Variants in FHIP2A observed in about 807,000 individuals in gnomAD.
FHIP2A encodes the protein family with sequence similarity 160 member B1.
Under a neutral mutation model 93.5 loss-of-function variants are expected in FHIP2A, and 46 were observed. That is an observed-to-expected ratio of 0.49 (90% CI 0.39 to 0.63). The LOEUF (loss-of-function observed/expected upper bound fraction) is 0.63, where lower values mean the gene tolerates loss of function less well. FHIP2A is among the 20% of genes least tolerant of loss of function. FHIP2A has a pLI of 0.00. For synonymous variants in FHIP2A, 332 were observed against 326.5 expected (o/e 1.02, Z -0.18); for missense variants, 769 against 909.7 (o/e 0.85, Z 1.99).
intron 16 of FHIP2A, among the ~76,000 whole-genome samples, chr10:114,878,904 C>A (rs989072987): frequency 6.6e-6 from 1 of 151,976 alleles, no homozygotes; most frequent in Non-Finnish European, 1.5e-5. Context: ...CACTATGTTA[C>A]GAGCTATGTG....
intron 16 of FHIP2A, among the ~76,000 whole-genome samples, chr10:114,886,376 A>T (rs115322430): frequency 6.6e-5 from 10 of 151,534 alleles, no homozygotes; most frequent in African/African-American, 1.9e-4. Context: ...TATTTTTTTT[A>T]ATTTTTTTTT....
At chr10:114,878,695 G>A (rs1253680540) in intron 16 of FHIP2A, among the ~76,000 whole-genome samples, 2 of 151,256 alleles carry the variant, frequency 1.3e-5, no homozygotes, top group African/African-American at 4.9e-5. Context: ...AGACAGAAGT[G>A]CTTGAACCTG....
chr10:114,830,028 AAAAAG>A (rs1218429979), intron 1 of FHIP2A, among the ~76,000 whole-genome samples: 1 of 152,158 alleles, frequency 6.6e-6, no homozygotes, highest in African/African-American at 2.4e-5. Context: ...TCCAAGCTTA[AAAAAG>A]AAAAGATTTA....
chr10:114,845,155 A>G (rs1303658252), intron 7 of FHIP2A, among the ~76,000 whole-genome samples: 1 of 152,106 alleles, frequency 6.6e-6, no homozygotes, highest in Non-Finnish European at 1.5e-5. Flanking sequence ...CCTACTTAAT[A>G]CGTGAAAATT....
chr10:114,887,118 A>C (rs917325261), intron 16 of FHIP2A, among the ~76,000 whole-genome samples: 1 of 152,204 alleles, frequency 6.6e-6, no homozygotes, highest in African/African-American at 2.4e-5. Flanking sequence ...CATTTTCTGC[A>C]AAGTTTTCAC....
At chr10:114,867,105 A>T (rs111271548), downstream of FHIP2A, among the ~76,000 whole-genome samples, 479 of 151,894 alleles carry the variant, frequency 3.2e-3, 2 homozygotes, top group African/African-American at 0.011. Flanking sequence ...GATGCTCTGG[A>T]GGCTGAGGCA....
chr10:114,846,988 C>G, intron 11 of FHIP2A, 102 bp from the exon 12 acceptor site: 4 of 1,124,730 alleles, frequency 3.6e-6, no homozygotes, highest in Non-Finnish European at 5.0e-6. Flanking sequence ...TTTATATTAG[C>G]AAAATTATGT....
chr10:114,833,564 A>G (rs779616449), intron 3 of FHIP2A, 162 bp downstream of exon 3: 8 of 623,260 alleles, frequency 1.3e-5, no homozygotes, highest in Non-Finnish European at 1.9e-5. Flanking sequence ...CTATACAAAT[A>G]TGTCCATAGA....
chr10:114,826,296 G>A (rs915380155), intron 1 of FHIP2A, among the ~76,000 whole-genome samples: 2 of 152,210 alleles, frequency 1.3e-5, no homozygotes, highest in Non-Finnish European at 2.9e-5. Flanking sequence ...GCCTAAGAAT[G>A]TGTTCTAGCC....
intron 3 of FHIP2A, among the ~76,000 whole-genome samples, chr10:114,833,633 A>G (rs1011143857): frequency 2.0e-5 from 3 of 152,204 alleles, no homozygotes; most frequent in Non-Finnish European, 4.4e-5. Flanking sequence ...TAGAATTCCA[A>G]TGTAAACATT....
At position 114,822,055 on chromosome 10, in the gene FHIP2A, AG is replaced by A; in HGVS notation, c.-22del. The stretch of plus-strand genomic sequence containing the variant: ...GGAGCTCTCCAGGTCGTCCCGGGAG[AG>A]GCTGCTGCAGTCCCGGGACAGGATG... On this transcript the variant is annotated 5_prime_UTR_variant, in exon 1 of 17. Transcript: ENST00000369248. The A allele has an allele frequency of 1.6e-6, 2 of 1,283,568 alleles. No homozygotes were observed. The highest frequency in any genetic ancestry group is 2.0e-6 in the Non-Finnish European group (2 of 993,436). The allele number at this position is 1,283,568 out of a possible 1,614,324, so 79.5% of individuals were successfully genotyped here.
intron 16 of FHIP2A, among the ~76,000 whole-genome samples, chr10:114,893,974 G>C (rs1451455922): frequency 1.3e-5 from 2 of 152,034 alleles, no homozygotes; most frequent in African/African-American, 2.4e-5. Context: ...GACTATGGGT[G>C]ATTTTCATCT....
intron 16 of FHIP2A, among the ~76,000 whole-genome samples, chr10:114,877,532 A>G (rs2083895688): frequency 6.6e-6 from 1 of 152,250 alleles, no homozygotes; most frequent in South Asian, 2.1e-4. Flanking sequence ...ATTAAAAACC[A>G]TAGCGGTTCG....
chr10:114,843,551 G>A (rs1441820515), intron 6 of FHIP2A, among the ~76,000 whole-genome samples, 190 bp from the exon 7 acceptor site: 4 of 152,022 alleles, frequency 2.6e-5, no homozygotes, highest in Admixed American at 6.6e-5. Context: ...TGATCCACCC[G>A]CCTTGGCCTC....
chr10:114,891,184 AC>A (rs2083971103), intron 16 of FHIP2A, among the ~76,000 whole-genome samples: 1 of 149,852 alleles, frequency 6.7e-6, no homozygotes, highest in South Asian at 2.1e-4. Flanking sequence ...ACAACGTGAG[AC>A]CCTGTCTAAA....
chr10:114,862,749 C>T lies in FHIP2A; in HGVS notation c.*1209C>T, dbSNP rs925555871. On this transcript the variant is annotated 3_prime_UTR_variant, in exon 17 of 17. Coordinates refer to ENST00000369248, the MANE Select transcript of FHIP2A (RefSeq NM_020940.4). ...TTTCCTTTAAGTGATGCTGATCACT[C>T]AAATAATGCTTTTAAGCTATTGTTT... 2.0e-6 allele frequency: 2 copies of T among 985,214 alleles called. No individual in the cohort carries two copies. The highest frequency in any genetic ancestry group is 3.5e-5 in the African/African-American group (2 of 57,238). 61.0% of individuals were successfully genotyped at this position (985,214 alleles called of 1,614,324 possible).
chr10:114,860,005 T>A (rs1272237492), intron 14 of FHIP2A, among the ~76,000 whole-genome samples: 1 of 152,202 alleles, frequency 6.6e-6, no homozygotes, highest in Non-Finnish European at 1.5e-5. Flanking sequence ...TTGAATAATC[T>A]GAGGTGAGGA....
At position 114,891,450 on chromosome 10, in the gene FHIP2A, A is replaced by G. The variant is rs532585795; in HGVS notation, c.2193-8040A>G. ...AACCTTTAAAAGTTTGAAATTTTCC[A>G]TAATACAGAGATTTTTAAAACACTA... On this transcript the variant is annotated intron_variant, in intron 16 of 16. Coordinates refer to the FHIP2A transcript ENST00000369250. Among the ~76,000 whole-genome samples the G allele has an allele frequency of 9.7e-4, 148 of 151,948 alleles. 1 individual carries two copies. Among genetic ancestry groups the G allele is most frequent in the African/African-American group, 2.0e-3 (85 of 41,464 alleles).
rs114334596 is a variant in FHIP2A at position 114,880,796 on chromosome 10, A to T, written c.2193-18694A>T. On this transcript the variant is annotated intron_variant, in intron 16 of 16. Coordinates refer to the FHIP2A transcript ENST00000369250. ...TAAGGAAGCACTCCGAGTGATTCTGATGCTGTAGGGCATGAGACAGGCATT... is the reference window on the plus strand; with the variant it reads ...TAAGGAAGCACTCCGAGTGATTCTGTTGCTGTAGGGCATGAGACAGGCATT... Among the ~76,000 whole-genome samples, 976 of 152,090 alleles carry T rather than the reference A, an allele frequency of 6.4e-3. 6 individuals carry two copies. The highest frequency in any genetic ancestry group is 0.022 in the African/African-American group (897 of 41,488).
Sources: gnomAD v4.1 joint callset for allele counts (sites outside exome capture counted in the v4.1 genomes callset) on GRCh38, gnomAD v4.1.1 for gene constraint, MANE v1.5 for transcripts, NCBI Gene and HGNC (gene_info 2026-07-23, HGNC 2026-07-21) for gene names.